Variants in SLC35F3 observed in about 807,000 individuals in gnomAD.
SLC35F3 encodes the protein solute carrier family 35 member F3, also known as putative thiamine transporter SLC35F3.
In SLC35F3, 25 loss-of-function variants were observed where a neutral mutation model predicts 49.9. The observed-to-expected ratio is 0.50, with a 90% CI of 0.37 to 0.70. The LOEUF (loss-of-function observed/expected upper bound fraction) is 0.70. Ranked by LOEUF, SLC35F3 falls within the 30% of genes least tolerant of loss-of-function variation. SLC35F3 has a pLI of 0.00. For synonymous variants in SLC35F3, 275 were observed against 265.4 expected, an observed-to-expected ratio of 1.04 and a Z score of -0.35; for missense variants, 525 against 639.8, an observed-to-expected ratio of 0.82 and a Z score of 1.94.
chr1:233,944,089 A>C (rs1662474147), intron 2 of SLC35F3, among the ~76,000 whole-genome samples: 1 of 152,216 alleles, frequency 6.6e-6, no homozygotes, highest in African/African-American at 2.4e-5. Context: ...AAAAGCTAGA[A>C]AGATCTCAAT....
chr1:234,064,889 C>T (rs1425194755), intron 2 of SLC35F3, among the ~76,000 whole-genome samples: 3 of 151,980 alleles, frequency 2.0e-5, no homozygotes, highest in Non-Finnish European at 2.9e-5. Context: ...TATTGAAAGC[C>T]GGCCAGAATA....
intron 2 of SLC35F3, among the ~76,000 whole-genome samples, chr1:233,911,193 G>A (rs1321229650): frequency 6.6e-6 from 1 of 152,188 alleles, no homozygotes; most frequent in Non-Finnish European, 1.5e-5. Context: ...AGTATATGTT[G>A]CTGGCGTAGA....
intron 2 of SLC35F3, among the ~76,000 whole-genome samples, chr1:233,935,461 T>C (rs1297466121): frequency 6.6e-6 from 1 of 152,102 alleles, no homozygotes; most frequent in Non-Finnish European, 1.5e-5. Flanking sequence ...ACTTCCTATA[T>C]TGTCCTCAAA....
chr1:234,254,032 A>G (rs1667779650), intron 3 of SLC35F3, among the ~76,000 whole-genome samples: 1 of 152,232 alleles, frequency 6.6e-6, no homozygotes, highest in African/African-American at 2.4e-5. Flanking sequence ...ATCCATGTCC[A>G]AAACCAGGCA....
At chr1:234,203,443 G>T (rs1222321466) in intron 2 of SLC35F3, among the ~76,000 whole-genome samples, 1 of 152,154 alleles carries the variant, frequency 6.6e-6, no homozygotes, top group Non-Finnish European at 1.5e-5. Context: ...CCAGGCGCAA[G>T]GGCTCATGCC....
At chr1:233,993,587 T>C (rs1663402329) in intron 2 of SLC35F3, among the ~76,000 whole-genome samples, 1 of 152,284 alleles carries the variant, frequency 6.6e-6, no homozygotes, top group Non-Finnish European at 1.5e-5. Context: ...TCTGCTCTAA[T>C]ACCCTCATTT....
At chr1:234,037,481 C>G (rs1057167076) in intron 2 of SLC35F3, among the ~76,000 whole-genome samples, 6 of 152,214 alleles carry the variant, frequency 3.9e-5, no homozygotes, top group Admixed American at 3.3e-4. Flanking sequence ...AACTATATCA[C>G]TATTCTGTTC....
At chr1:234,195,704 C>T (rs1666797645) in intron 2 of SLC35F3, among the ~76,000 whole-genome samples, 1 of 152,152 alleles carries the variant, frequency 6.6e-6, no homozygotes, top group South Asian at 2.1e-4. Context: ...TATGGTTTGG[C>T]TGCATCCTCA....
At chr1:234,285,078 G>T (rs1668399118) in intron 3 of SLC35F3, 1 of 234,150 alleles carries the variant, frequency 4.3e-6, no homozygotes, top group Non-Finnish European at 8.3e-6. Context: ...CCCTGCAGAG[G>T]AGCTTCAGCT....
At chr1:234,159,029 A>G (rs1172022498) in intron 2 of SLC35F3, among the ~76,000 whole-genome samples, 1 of 152,016 alleles carries the variant, frequency 6.6e-6, no homozygotes, top group Non-Finnish European at 1.5e-5. Context: ...TTTTTAATGG[A>G]ACCCACTTTT....
intron 3 of SLC35F3, among the ~76,000 whole-genome samples, chr1:234,233,887 AG>A (rs1667422964): frequency 6.6e-6 from 1 of 152,166 alleles, no homozygotes; most frequent in Non-Finnish European, 1.5e-5. Flanking sequence ...TCTGATTATA[AG>A]CTGTGTTAGC....
intron 2 of SLC35F3, among the ~76,000 whole-genome samples, chr1:233,934,317 A>T (rs1339063572): frequency 1.3e-5 from 2 of 152,186 alleles, no homozygotes; most frequent in Non-Finnish European, 2.9e-5. Flanking sequence ...TTTCTAAGAC[A>T]TTAATTTGCT....
chr1:233,985,246 A>T (rs1663248500), intron 2 of SLC35F3, among the ~76,000 whole-genome samples: 1 of 152,194 alleles, frequency 6.6e-6, no homozygotes, highest in Non-Finnish European at 1.5e-5. Context: ...TCCCTTCTGA[A>T]ATAATAGCGT....
intron 2 of SLC35F3, among the ~76,000 whole-genome samples, chr1:233,951,663 G>C (rs931343308): frequency 1.3e-5 from 2 of 152,066 alleles, no homozygotes; most frequent in African/African-American, 2.4e-5. Context: ...TTCTGTGTCA[G>C]TTTCTCCTGG....
intron 2 of SLC35F3, among the ~76,000 whole-genome samples, chr1:234,075,112 G>GAAATC (rs557656981): frequency 6.6e-6 from 1 of 152,334 alleles, no homozygotes; most frequent in East Asian, 1.9e-4. Context: ...TAACAATGTG[G>GAAATC]AAATCATACA....
rs1229580752 is a variant in SLC35F3, at chr1:234,074,428, T to C, written c.284-156989T>C. Among the ~76,000 whole-genome samples, 5 of 152,272 alleles carry C rather than the reference T, an allele frequency of 3.3e-5. No individual in the cohort carries two copies. The East Asian group carries it at 5.8e-4, about 18-fold the overall frequency. ...GGCAACTAGCAAATAGACATAGATA[T>C]TGAAAACACAAATGACAAAATCTGT... On this transcript the variant is annotated intron_variant, in intron 2 of 7. Transcript: ENST00000366618.
rs1267592191 is a variant in SLC35F3 at position 233,904,871 on chromosome 1, C to T, written c.-207C>T. The T allele has an allele frequency of 6.3e-6, 2 of 318,966 alleles. No individual in the cohort carries two copies. Among genetic ancestry groups the T allele is most frequent in the Non-Finnish European group, 1.1e-5 (2 of 180,828 alleles). 19.8% of individuals were successfully genotyped at this position (318,966 alleles called of 1,614,324 possible). On this transcript the variant is annotated 5_prime_UTR_variant, in exon 1 of 8. Coordinates refer to ENST00000366618, the MANE Select transcript of SLC35F3 (RefSeq NM_173508.4). ...GGCCTGGAGTCACCGGGCTGAACCG[C>T]CGCGCCTGCATCGTGCCGCACGCCG...
intron 4 of SLC35F3, among the ~76,000 whole-genome samples, chr1:234,314,925 T>G (rs1410719871): frequency 1.3e-5 from 2 of 152,222 alleles, no homozygotes; most frequent in African/African-American, 4.8e-5. Flanking sequence ...TTGCATTACA[T>G]GTGTCCTCTG....
chr1:234,101,784 A>G (rs1380341473), intron 2 of SLC35F3, among the ~76,000 whole-genome samples: 1 of 152,240 alleles, frequency 6.6e-6, no homozygotes, highest in East Asian at 1.9e-4. Flanking sequence ...AAAATATTGG[A>G]AGGGACGTGG....
Sources: gnomAD v4.1 joint callset for allele counts (sites outside exome capture counted in the v4.1 genomes callset) on GRCh38, gnomAD v4.1.1 for gene constraint, MANE v1.5 for transcripts, NCBI Gene and HGNC (gene_info 2026-07-23, HGNC 2026-07-21) for gene names.